The following SGTB variants were observed in gnomAD, a reference collection of about 807,000 sequenced individuals.
SGTB encodes small glutamine-rich tetratricopeptide repeat-containing protein beta.
SGTB carries 19 observed loss-of-function variants against 43.9 expected under a neutral mutation model. The observed-to-expected ratio is 0.43, with a 90% CI of 0.30 to 0.63. The LOEUF is 0.63. Ranked by LOEUF, SGTB falls within the 30% of genes least tolerant of loss-of-function variation. SGTB has a pLI of 0.12. For synonymous variants in SGTB, 116 were observed against 117.3 expected (o/e 0.99, Z 0.07); for missense variants, 304 against 358.9 (o/e 0.85, Z 1.24).
chr5:65,679,644 CA>C (rs888631078), intron 8 of SGTB, among the ~76,000 whole-genome samples: 4 of 151,210 alleles, frequency 2.6e-5, no homozygotes, highest in African/African-American at 9.7e-5. Context: ...ACAACAACAA[CA>C]AAAAAAACAA....
At chr5:65,697,289 T>C (rs1329250037) in intron 5 of SGTB, among the ~76,000 whole-genome samples, 1 of 152,232 alleles carries the variant, frequency 6.6e-6, no homozygotes, top group Non-Finnish European at 1.5e-5. Context: ...AGCATAATTA[T>C]TGATTTCAGT....
intron 2 of SGTB, 71 bp from the exon 3 acceptor site, chr5:65,713,135 A>G: frequency 9.4e-7 from 1 of 1,068,280 alleles, no homozygotes; most frequent in Middle Eastern, 2.1e-4. Context: ...TTTTTCTGAT[A>G]GAACTGCAAT....
chr5:65,677,600 T>C (rs1757308266), intron 8 of SGTB, among the ~76,000 whole-genome samples: 1 of 152,148 alleles, frequency 6.6e-6, no homozygotes, highest in Admixed American at 6.5e-5. Context: ...AGCAAAATAC[T>C]GGCAAACTGA....
intron 2 of SGTB, among the ~76,000 whole-genome samples, chr5:65,715,200 C>T (rs1160253237): frequency 6.6e-6 from 1 of 152,138 alleles, no homozygotes; most frequent in Non-Finnish European, 1.5e-5. Context: ...TTTGATCTTC[C>T]TTTTAGAAGA....
At chr5:65,683,684 G>GGCTAAC (rs75253919) in intron 6 of SGTB, among the ~76,000 whole-genome samples, 1 of 151,784 alleles carries the variant, frequency 6.6e-6, no homozygotes, top group Non-Finnish European at 1.5e-5. Context: ...AGTTAATAGT[G>GGCTAAC]GCCTGTAATC....
At chr5:65,701,281 C>A (rs897728579) in intron 5 of SGTB, among the ~76,000 whole-genome samples, 2 of 151,808 alleles carry the variant, frequency 1.3e-5, no homozygotes, top group Non-Finnish European at 2.9e-5. Flanking sequence ...AACCTAAGAA[C>A]CTACTATAAA....
chr5:65,698,189 T>C (rs946392470), intron 5 of SGTB, among the ~76,000 whole-genome samples: 2 of 152,180 alleles, frequency 1.3e-5, no homozygotes, highest in African/African-American at 4.8e-5. Flanking sequence ...GGTGTATGTA[T>C]TTGTCAAAAC....
At chr5:65,699,931 G>A (rs1757781901) in intron 5 of SGTB, among the ~76,000 whole-genome samples, 1 of 152,220 alleles carries the variant, frequency 6.6e-6, no homozygotes. Context: ...TTAAGAGCCT[G>A]CATTTGAGTA....
In SGTB at chr5:65,704,466, T is replaced by TAA. The variant is rs1757891675; in HGVS notation, c.275-90_275-89dup. ...AGACACATTTTAATCGTGGAAACTA[T>TAA]AATTATATGAAAGTCGGCCTCATGA... On this transcript the variant is annotated intron_variant, in intron 4 of 10. Coordinates refer to ENST00000381007, the MANE Select transcript of SGTB (RefSeq NM_019072.3). The TAA allele has an allele frequency of 6.1e-6, 6 of 985,700 alleles. No individual in the cohort carries two copies. In the Admixed American group the frequency reaches 1.9e-4, roughly 31 times the overall value. The allele number at this position is 985,700 out of a possible 1,614,324, so 61.1% of individuals were successfully genotyped here.
At chr5:65,689,662 C>T (rs1274412099) in intron 5 of SGTB, among the ~76,000 whole-genome samples, 1 of 152,068 alleles carries the variant, frequency 6.6e-6, no homozygotes, top group African/African-American at 2.4e-5. Flanking sequence ...TGAATGCACA[C>T]TTTTCTAAGA....
chr5:65,686,694 C>A (rs181299966), intron 5 of SGTB, among the ~76,000 whole-genome samples: 1 of 152,008 alleles, frequency 6.6e-6, no homozygotes, highest in Non-Finnish European at 1.5e-5. Flanking sequence ...TAAAAACAAT[C>A]TTTTTGCTTA....
chr5:65,692,956 A>T (rs1757640816), intron 5 of SGTB, among the ~76,000 whole-genome samples: 1 of 152,168 alleles, frequency 6.6e-6, no homozygotes, highest in Non-Finnish European at 1.5e-5. Flanking sequence ...CTGTAATCCC[A>T]GCACTTTGGG....
intron 2 of SGTB, 29 bp downstream of exon 2, chr5:65,720,679 A>G: frequency 6.3e-7 from 1 of 1,596,744 alleles, no homozygotes; most frequent in Non-Finnish European, 8.5e-7. Flanking sequence ...TAATTATAAT[A>G]TAAATGAACA....
intron 3 of SGTB, among the ~76,000 whole-genome samples, chr5:65,711,536 A>G (rs1205868409): frequency 4.6e-5 from 7 of 152,252 alleles, no homozygotes; most frequent in Non-Finnish European, 1.0e-4. Context: ...TGAGGGGGCC[A>G]CAGGCCCAGA....
chr5:65,705,103 A>G (rs534321426), intron 4 of SGTB, among the ~76,000 whole-genome samples: 20 of 152,198 alleles, frequency 1.3e-4, no homozygotes, highest in Non-Finnish European at 1.9e-4. Flanking sequence ...TTTTTTGTAT[A>G]CCATTAAATG....
At chr5:65,677,754 C>A (rs1486962820) in intron 8 of SGTB, among the ~76,000 whole-genome samples, 1 of 152,150 alleles carries the variant, frequency 6.6e-6, no homozygotes, top group South Asian at 2.1e-4. Context: ...ATGATTATCT[C>A]AATAGATGCT....
chr5:65,698,685 G>T (rs959252695), intron 5 of SGTB, among the ~76,000 whole-genome samples: 11 of 152,028 alleles, frequency 7.2e-5, no homozygotes, highest in Admixed American at 2.0e-4. Context: ...AAACAAATCG[G>T]CAAGAAAAAA....
intron 5 of SGTB, among the ~76,000 whole-genome samples, chr5:65,696,341 A>C (rs748616540): frequency 1.3e-5 from 2 of 152,248 alleles, no homozygotes; most frequent in Non-Finnish European, 2.9e-5. Flanking sequence ...GACTATGGGT[A>C]AAGTACTCAG....
rs1289752642 is a variant in SGTB at position 65,667,850 on chromosome 5, C to G, written c.*2396G>C. 2 of 151,708 alleles carry G rather than the reference C, an allele frequency of 1.3e-5. No individual in the cohort carries two copies. Among genetic ancestry groups the G allele is most frequent in the East Asian group, 1.9e-4 (1 of 5,156 alleles). 9.4% of individuals were successfully genotyped at this position (151,708 alleles called of 1,614,324 possible). On this transcript the variant is annotated 3_prime_UTR_variant, in exon 11 of 11. Coordinates refer to ENST00000381007, the MANE Select transcript of SGTB (RefSeq NM_019072.3). ...TAATGAATTATCCAGGTGATTCTTACAATGAAGTTATAGAACTACTGTTCT... is the reference window on the plus strand; with the variant it reads ...TAATGAATTATCCAGGTGATTCTTAGAATGAAGTTATAGAACTACTGTTCT...
Sources: allele counts gnomAD v4.1 joint callset (sites outside exome capture counted in the v4.1 genomes callset), GRCh38; gene constraint gnomAD v4.1.1; transcripts MANE v1.5; gene names NCBI Gene and HGNC (gene_info 2026-07-23, HGNC 2026-07-21).